Variants in THSD4 observed in about 807,000 individuals in gnomAD.
THSD4 encodes the protein thrombospondin type 1 domain containing 4.
A neutral mutation model predicts 119.0 loss-of-function variants in THSD4; 69 were observed. The ratio of observed to expected loss-of-function variants is 0.58; its 90% CI spans 0.48 to 0.71. The LOEUF (loss-of-function observed/expected upper bound fraction) is 0.71, where lower values mean the gene tolerates loss of function less well. Ranked by LOEUF, THSD4 falls within the 30% of genes least tolerant of loss-of-function variation. The pLI is 0.00. For missense variants in THSD4, 1,393 were observed against 1,391.1 expected (o/e 1.00, Z -0.02); for synonymous variants, 524 against 540.4 (o/e 0.97, Z 0.42).
At chr15:71,348,837 C>T (rs1385265123) in intron 6 of THSD4, among the ~76,000 whole-genome samples, 1 of 152,210 alleles carries the variant, frequency 6.6e-6, no homozygotes, top group Non-Finnish European at 1.5e-5. Flanking sequence ...TTTGAGACAG[C>T]AGCATCTTTG....
chr15:71,464,965 G>A (rs1042881999), intron 7 of THSD4, among the ~76,000 whole-genome samples: 2 of 152,070 alleles, frequency 1.3e-5, no homozygotes, highest in South Asian at 4.2e-4. Context: ...TCCCCCGTGA[G>A]TAAGTAAGAA....
At position 71,534,958 on chromosome 15, in the gene THSD4, C is replaced by CA. The variant is rs201883095; in HGVS notation, c.1152+123143dup. On this transcript the variant is annotated intron_variant, in intron 7 of 17. Transcript: ENST00000261862. ...TGGGTGACAGAGCGAGACTCCGTCT[C>CA]AAAAAAAACAAACAGAAAAAAACAG... Among the ~76,000 whole-genome samples, 400 of 151,592 alleles carry CA rather than the reference C, an allele frequency of 2.6e-3. 2 individuals are homozygous for CA. The highest frequency in any genetic ancestry group is 9.2e-3 in the African/African-American group (379 of 41,318).
chr15:71,171,937 G>A (rs1297423557), intron 3 of THSD4, among the ~76,000 whole-genome samples: 3 of 152,140 alleles, frequency 2.0e-5, no homozygotes, highest in Non-Finnish European at 4.4e-5. Flanking sequence ...TTACTTGAAG[G>A]TATACTGTGG....
At chr15:71,752,124 C>G (rs2053458619) in intron 14 of THSD4, among the ~76,000 whole-genome samples, 1 of 152,186 alleles carries the variant, frequency 6.6e-6, no homozygotes, top group Non-Finnish European at 1.5e-5. Flanking sequence ...ACATTTGCCA[C>G]TCTCTGAAAA....
At chr15:71,220,090 CA>C (rs35447924) in intron 4 of THSD4, among the ~76,000 whole-genome samples, 59,060 of 150,386 alleles carry the variant, frequency 0.39, 11,852 homozygotes, top group Admixed American at 0.5. Flanking sequence ...CACGTGAGTT[CA>C]AAAAAAAAAT....
chr15:71,439,655 C>T (rs955063435), intron 7 of THSD4, among the ~76,000 whole-genome samples: 2 of 152,124 alleles, frequency 1.3e-5, no homozygotes, highest in Admixed American at 6.5e-5. Flanking sequence ...AAATGTGGCA[C>T]GTATACACTA....
intron 6 of THSD4, among the ~76,000 whole-genome samples, chr15:71,299,972 A>ATATAT (rs1409701282): frequency 7.7e-4 from 21 of 27,278 alleles, no homozygotes; most frequent in Admixed American, 5.0e-4. Flanking sequence ...AAAAAAAAAA[A>ATATAT]AAAAATATAT....
intron 7 of THSD4, among the ~76,000 whole-genome samples, chr15:71,615,532 AT>A (rs1285861864): frequency 6.6e-6 from 1 of 152,232 alleles, no homozygotes; most frequent in East Asian, 1.9e-4. Context: ...CAGAATGAAT[AT>A]TTTTTTAAAC....
chr15:71,599,990 G>A (rs1360004799), intron 7 of THSD4, among the ~76,000 whole-genome samples: 3 of 152,226 alleles, frequency 2.0e-5, no homozygotes, highest in Non-Finnish European at 4.4e-5. Context: ...ATCCAGGCGT[G>A]GTTAGTGTCT....
intron 1 of THSD4, among the ~76,000 whole-genome samples, chr15:71,107,725 A>G (rs367979318): frequency 6.6e-6 from 1 of 152,198 alleles, no homozygotes; most frequent in South Asian, 2.1e-4. Flanking sequence ...AGCCAGAAAA[A>G]AGGGACGGAC....
intron 3 of THSD4, among the ~76,000 whole-genome samples, chr15:71,199,497 G>T (rs904825809): frequency 1.9e-4 from 27 of 141,442 alleles, no homozygotes; most frequent in Admixed American, 8.4e-4. Flanking sequence ...GGGTGTGTGT[G>T]GTGTGTGTGT....
chr15:71,109,791 C>T (rs368706201), intron 1 of THSD4, among the ~76,000 whole-genome samples: 4 of 151,074 alleles, frequency 2.6e-5, no homozygotes, highest in South Asian at 2.1e-4. Flanking sequence ...TCTGGTGAGC[C>T]GCTACAACTA....
chr15:71,217,187 A>G (rs1320955749), intron 4 of THSD4, among the ~76,000 whole-genome samples: 1 of 152,202 alleles, frequency 6.6e-6, no homozygotes, highest in African/African-American at 2.4e-5. Context: ...CATATTTCAC[A>G]TGTTAATAGC....
intron 7 of THSD4, among the ~76,000 whole-genome samples, chr15:71,476,042 C>G (rs2047650488): frequency 1.3e-5 from 2 of 152,142 alleles, no homozygotes; most frequent in South Asian, 4.1e-4. Context: ...TTAATCTTCT[C>G]GAGCCTCACC....
chr15:71,285,820 C>G (rs1369120695), intron 6 of THSD4, among the ~76,000 whole-genome samples: 1 of 122,650 alleles, frequency 8.2e-6, no homozygotes, highest in African/African-American at 3.1e-5. Context: ...TGCTACTGCA[C>G]TCCAGCCTGG....
chr15:71,711,083 GTA>G (rs56201476), intron 8 of THSD4, among the ~76,000 whole-genome samples: 4 of 128,218 alleles, frequency 3.1e-5, no homozygotes, highest in South Asian at 2.2e-4. Context: ...ATATATATAT[GTA>G]TATATATATA....
At chr15:71,219,159 A>G (rs2043956368) in intron 4 of THSD4, among the ~76,000 whole-genome samples, 2 of 152,194 alleles carry the variant, frequency 1.3e-5, no homozygotes, top group African/African-American at 4.8e-5. Context: ...TCAAGATCCA[A>G]TGGAACAGTG....
Position 71,771,199 on chromosome 15 carries a change from C to T in THSD4, c.2905C>T (p.Pro969Ser). 1 of 1,613,314 alleles carries T rather than the reference C, an allele frequency of 6.2e-7. No homozygotes were observed. Among genetic ancestry groups the T allele is most frequent in the Non-Finnish European group, 8.5e-7 (1 of 1,179,824 alleles). Residue 969 changes from proline to serine, a missense_variant, in exon 17 of 18, where the codon CCT becomes TCT. Transcript: ENST00000261862. ...ATCTTGTAACCCTCAGGACTGTGTC[C>T]CTGAAGTTGGTAAGTAGAGATTTCA... ...RESCNPQDCV[P>S]EVDENCKDKY...
intron 7 of THSD4, among the ~76,000 whole-genome samples, chr15:71,645,434 A>T (rs1410066285): frequency 1.3e-5 from 2 of 152,170 alleles, no homozygotes; most frequent in Non-Finnish European, 2.9e-5. Context: ...TGAGAATAGC[A>T]TGGGGGAAAC....
Sources: allele counts gnomAD v4.1 joint callset (sites outside exome capture counted in the v4.1 genomes callset), GRCh38; gene constraint gnomAD v4.1.1; transcripts MANE v1.5; gene names NCBI Gene and HGNC (gene_info 2026-07-23, HGNC 2026-07-21).